Variants in CNTN6 observed in about 807,000 individuals in gnomAD.
CNTN6 encodes contactin 6, also known as contactin-6.
Under a neutral mutation model 122.8 loss-of-function variants are expected in CNTN6, and 137 were observed. The ratio of observed to expected loss-of-function variants is 1.12; its 90% CI spans 0.97 to 1.29. The LOEUF is 1.29. Among genes scored for constraint, CNTN6 ranks in the 50% most tolerant of loss-of-function variants. The pLI, the probability that CNTN6 is intolerant of heterozygous loss-of-function variation, is 0.00. For synonymous variants in CNTN6, 570 were observed against 426.0 expected, an observed-to-expected ratio of 1.34 and a Z score of -4.16; for missense variants, 1,634 against 1,223.4, an observed-to-expected ratio of 1.34 and a Z score of -5.01.
intron 4 of CNTN6, among the ~76,000 whole-genome samples, chr3:1,252,267 G>T (rs1051490680): frequency 2.0e-5 from 3 of 152,192 alleles, no homozygotes; most frequent in South Asian, 4.2e-4. Flanking sequence ...CCTTTTCATT[G>T]TGCTGTTCTC....
intron 1 of CNTN6, among the ~76,000 whole-genome samples, chr3:1,102,450 G>T (rs533481639): frequency 6.6e-6 from 1 of 152,218 alleles, no homozygotes; most frequent in Admixed American, 6.5e-5. Flanking sequence ...GAACAGTCCT[G>T]CCGGGCGCGG....
chr3:1,394,575 GTATATATTCTATA>G (rs1241325420), intron 20 of CNTN6: 3 of 152,050 alleles, frequency 2.0e-5, no homozygotes, highest in African/African-American at 7.3e-5. Context: ...AAGTCGCTCT[GTATATATTCTATA>G]TATATATATC....
intron 11 of CNTN6, among the ~76,000 whole-genome samples, chr3:1,331,565 T>C (rs893973190): frequency 1.6e-4 from 24 of 151,978 alleles, no homozygotes; most frequent in African/African-American, 5.6e-4. Context: ...TTTTTAAATG[T>C]TTCCTCATGC....
chr3:1,378,157 T>A (rs1710155575), intron 17 of CNTN6, among the ~76,000 whole-genome samples: 1 of 152,086 alleles, frequency 6.6e-6, no homozygotes, highest in South Asian at 2.1e-4. Context: ...TGCATGGGTT[T>A]CACATTTGTC....
intron 11 of CNTN6, among the ~76,000 whole-genome samples, chr3:1,330,893 TG>T (rs895455542): frequency 2.2e-4 from 33 of 151,904 alleles, no homozygotes; most frequent in African/African-American, 7.7e-4. Flanking sequence ...TTCTGTCAAC[TG>T]GTTGCCTTGC....
chr3:1,197,419 G>T (rs568098224), intron 2 of CNTN6, among the ~76,000 whole-genome samples: 1 of 152,202 alleles, frequency 6.6e-6, no homozygotes, highest in African/African-American at 2.4e-5. Flanking sequence ...TTTGCCAGGG[G>T]TGCCATTGTT....
chr3:1,276,638 C>G (rs1357896671), intron 4 of CNTN6, among the ~76,000 whole-genome samples: 2 of 152,052 alleles, frequency 1.3e-5, no homozygotes, highest in Non-Finnish European at 2.9e-5. Context: ...TTTTTTCATT[C>G]TGGAAGCAGT....
intron 11 of CNTN6, among the ~76,000 whole-genome samples, chr3:1,337,688 C>G (rs549232603): frequency 6.6e-6 from 1 of 152,176 alleles, no homozygotes; most frequent in South Asian, 2.1e-4. Context: ...TTACAATCTC[C>G]CTTCTGTGCT....
chr3:1,210,911 T>G (rs192861716), intron 2 of CNTN6, among the ~76,000 whole-genome samples: 3 of 152,334 alleles, frequency 2.0e-5, no homozygotes, highest in African/African-American at 7.2e-5. Context: ...GGCACTTTCC[T>G]TTTGGGCATG....
At chr3:1,352,533 G>T (rs890249916) in intron 12 of CNTN6, 82 bp downstream of exon 12, 1 of 1,490,002 alleles carries the variant, frequency 6.7e-7, no homozygotes, top group Non-Finnish European at 9.2e-7. Context: ...TGTCAAACCT[G>T]TACCATATTG....
At chr3:1,102,250 C>T (rs184448959) in intron 1 of CNTN6, among the ~76,000 whole-genome samples, 176 of 152,228 alleles carry the variant, frequency 1.2e-3, no homozygotes, top group Admixed American at 3.1e-3. Context: ...ATATGGAGAC[C>T]GCTGAGCTAT....
At chr3:1,315,231 G>T (rs1182008502) in intron 7 of CNTN6, among the ~76,000 whole-genome samples, 1 of 151,968 alleles carries the variant, frequency 6.6e-6, no homozygotes, top group African/African-American at 2.4e-5. Context: ...ATTTTAAAGA[G>T]ATCATTTATC....
intron 5 of CNTN6, among the ~76,000 whole-genome samples, chr3:1,282,515 T>C (rs1693645206): frequency 6.6e-6 from 1 of 152,240 alleles, no homozygotes; most frequent in Admixed American, 6.5e-5. Context: ...CAATCAGAGA[T>C]GGGTTTTGTG....
At chr3:1,254,948 A>G (rs1463035928) in intron 4 of CNTN6, among the ~76,000 whole-genome samples, 1 of 152,052 alleles carries the variant, frequency 6.6e-6, no homozygotes, top group Non-Finnish European at 1.5e-5. Flanking sequence ...TCAGTTTTAC[A>G]TTGGTGGTCA....
chr3:1,232,236 G>A (rs1180341332), intron 4 of CNTN6, among the ~76,000 whole-genome samples: 1 of 152,158 alleles, frequency 6.6e-6, no homozygotes, highest in East Asian at 1.9e-4. Context: ...TGTAATCACA[G>A]CTAGCATTTC....
chr3:1,260,656 G>T (rs1185309808), intron 4 of CNTN6, among the ~76,000 whole-genome samples: 1 of 151,986 alleles, frequency 6.6e-6, no homozygotes, highest in African/African-American at 2.4e-5. Flanking sequence ...TCCACCTGTT[G>T]GGGGAGGGAT....
At chr3:1,379,808 C>A (rs1338706427) in intron 17 of CNTN6, among the ~76,000 whole-genome samples, 1 of 152,014 alleles carries the variant, frequency 6.6e-6, no homozygotes, top group Non-Finnish European at 1.5e-5. Context: ...AGATACTGAG[C>A]CAACTTCTTC....
intron 3 of CNTN6, among the ~76,000 whole-genome samples, chr3:1,222,062 C>T (rs1341331428): frequency 6.6e-6 from 1 of 152,142 alleles, no homozygotes; most frequent in Admixed American, 6.5e-5. Flanking sequence ...TCTACCTTAT[C>T]TTGAATTTTT....
chr3:1,328,903 T>C (rs1701894742), intron 10 of CNTN6, among the ~76,000 whole-genome samples: 1 of 151,678 alleles, frequency 6.6e-6, no homozygotes, highest in South Asian at 2.1e-4. Context: ...CTGGCATTTG[T>C]TCAACATATA....
Sources: gnomAD v4.1 joint callset for allele counts (sites outside exome capture counted in the v4.1 genomes callset) on GRCh38, gnomAD v4.1.1 for gene constraint, MANE v1.5 for transcripts, NCBI Gene and HGNC (gene_info 2026-07-23, HGNC 2026-07-21) for gene names.